Variants in RIMS2 observed in about 807,000 individuals in gnomAD.
RIMS2 encodes regulating synaptic membrane exocytosis protein 2.
A neutral mutation model predicts 174.4 loss-of-function variants in RIMS2; 59 were observed. That is an observed-to-expected ratio of 0.34 (90% CI 0.27 to 0.42). The LOEUF (loss-of-function observed/expected upper bound fraction) is 0.42. RIMS2 is among the 10% of genes least tolerant of loss of function. The probability of loss-of-function intolerance (pLI) is 1.00; values close to 1 mark genes in which losing one functional copy is unlikely to be tolerated. For synonymous variants in RIMS2, 606 were observed against 572.5 expected (o/e 1.06, Z -0.84); for missense variants, 1,620 against 1,666.3 (o/e 0.97, Z 0.48).
At chr8:103,933,861 A>T (rs2080597347) in intron 12 of RIMS2, among the ~76,000 whole-genome samples, 1 of 152,130 alleles carries the variant, frequency 6.6e-6, no homozygotes, top group Non-Finnish European at 1.5e-5. Context: ...AATTTTTTTG[A>T]CAATTTTTTT....
intron 19 of RIMS2, among the ~76,000 whole-genome samples, chr8:104,090,935 C>T (rs1246592502): frequency 6.6e-6 from 1 of 151,712 alleles, no homozygotes; most frequent in African/African-American, 2.4e-5. Context: ...TTACATAAGC[C>T]AGTCTTTGGC....
At chr8:103,990,507 A>G (rs1008882908) in intron 17 of RIMS2, among the ~76,000 whole-genome samples, 1 of 152,054 alleles carries the variant, frequency 6.6e-6, no homozygotes, top group Non-Finnish European at 1.5e-5. Context: ...TAACTTTTTC[A>G]TAGTAATCTG....
At chr8:104,047,363 T>G (rs1181409812) in intron 19 of RIMS2, among the ~76,000 whole-genome samples, 1 of 152,062 alleles carries the variant, frequency 6.6e-6, no homozygotes, top group Non-Finnish European at 1.5e-5. Context: ...ATTTCAGCTG[T>G]TAGGGAAAAT....
At chr8:103,727,141 G>A (rs2097536350) in intron 2 of RIMS2, among the ~76,000 whole-genome samples, 1 of 151,908 alleles carries the variant, frequency 6.6e-6, no homozygotes, top group African/African-American at 2.4e-5. Flanking sequence ...TGTTATTAAT[G>A]TACACAGCCA....
At chr8:103,525,842 AT>A (rs1490713077) in intron 1 of RIMS2, among the ~76,000 whole-genome samples, 4 of 152,274 alleles carry the variant, frequency 2.6e-5, no homozygotes, top group African/African-American at 9.6e-5. Flanking sequence ...ACTTCTGATG[AT>A]GGTGGATTAG....
intron 5 of RIMS2, chr8:103,910,431 G>T: frequency 6.3e-7 from 1 of 1,597,560 alleles, no homozygotes; most frequent in Non-Finnish European, 8.5e-7. Flanking sequence ...CCACTCTTTG[G>T]AAGAGGATTT....
chr8:104,156,888 A>G (rs1413796175), intron 19 of RIMS2, among the ~76,000 whole-genome samples: 1 of 152,156 alleles, frequency 6.6e-6, no homozygotes, highest in Non-Finnish European at 1.5e-5. Flanking sequence ...ATTAATACAC[A>G]AGCGTACATT....
intron 3 of RIMS2, among the ~76,000 whole-genome samples, chr8:103,881,106 A>G (rs1186859320): frequency 6.6e-6 from 1 of 151,482 alleles, no homozygotes; most frequent in Non-Finnish European, 1.5e-5. Flanking sequence ...AATAATGCTT[A>G]TGAGTCAGGA....
At chr8:103,530,529 A>G (rs916829244) in intron 1 of RIMS2, among the ~76,000 whole-genome samples, 1 of 152,088 alleles carries the variant, frequency 6.6e-6, no homozygotes, top group African/African-American at 2.4e-5. Flanking sequence ...ATAGATGGTT[A>G]AAGTATATGA....
chr8:104,102,120 C>T (rs997143261), intron 19 of RIMS2, among the ~76,000 whole-genome samples: 1 of 152,064 alleles, frequency 6.6e-6, no homozygotes, highest in Non-Finnish European at 1.5e-5. Flanking sequence ...CAGCCCAGAT[C>T]TCCCTCCTAA....
chr8:104,185,680 A>G (rs899141427), intron 19 of RIMS2, among the ~76,000 whole-genome samples: 1 of 151,824 alleles, frequency 6.6e-6, no homozygotes, highest in South Asian at 2.1e-4. Flanking sequence ...GCAAATTAAA[A>G]CCACAATGAG....
chr8:103,577,056 A>G (rs1400917562), intron 1 of RIMS2, among the ~76,000 whole-genome samples: 2 of 152,226 alleles, frequency 1.3e-5, no homozygotes, highest in African/African-American at 4.8e-5. Flanking sequence ...AATGGCAACA[A>G]AAGCCAAAAT....
At chr8:103,751,531 T>C (rs531803585) in intron 2 of RIMS2, among the ~76,000 whole-genome samples, 6 of 151,720 alleles carry the variant, frequency 4.0e-5, no homozygotes, top group Admixed American at 6.6e-5. Context: ...CACTGACTTC[T>C]ACAATGGTTG....
chr8:104,002,328 T>C (rs1222193760), intron 17 of RIMS2, among the ~76,000 whole-genome samples: 1 of 152,114 alleles, frequency 6.6e-6, no homozygotes, highest in Non-Finnish European at 1.5e-5. Flanking sequence ...GTTGAATCCA[T>C]TCTCAAAAAT....
chr8:104,053,917 G>GGA (rs1003574651), intron 19 of RIMS2, among the ~76,000 whole-genome samples: 3 of 152,056 alleles, frequency 2.0e-5, no homozygotes, highest in African/African-American at 7.2e-5. Flanking sequence ...CTAGAGGTCA[G>GGA]GGAAGAGGAG....
intron 19 of RIMS2, among the ~76,000 whole-genome samples, chr8:104,205,569 T>G (rs1342328566): frequency 6.6e-6 from 1 of 152,112 alleles, no homozygotes; most frequent in Admixed American, 6.6e-5. Context: ...TGTGAGTTCT[T>G]ACAGATCAGA....
chr8:103,788,466 T>C (rs1476936905), intron 3 of RIMS2, among the ~76,000 whole-genome samples: 2 of 148,424 alleles, frequency 1.3e-5, no homozygotes, highest in African/African-American at 4.9e-5. Flanking sequence ...ATGTCCTTTC[T>C]GTTTGTTAGT....
chr8:103,569,608 TC>T (rs768349638), intron 1 of RIMS2, among the ~76,000 whole-genome samples: 45 of 152,102 alleles, frequency 3.0e-4, no homozygotes, highest in Non-Finnish European at 5.6e-4. Flanking sequence ...AGTATTTTTT[TC>T]TTTTTGATTT....
intron 2 of RIMS2, among the ~76,000 whole-genome samples, chr8:103,762,020 A>AT (rs201961741): frequency 0.12 from 16,582 of 139,686 alleles, 937 homozygotes; most frequent in African/African-American, 0.16. Context: ...CCTAATGTAA[A>AT]TTTTTTTTTT....
Sources: allele counts gnomAD v4.1 joint callset (sites outside exome capture counted in the v4.1 genomes callset), GRCh38; gene constraint gnomAD v4.1.1; transcripts MANE v1.5; gene names NCBI Gene and HGNC (gene_info 2026-07-23, HGNC 2026-07-21).